The following STK39 variants were observed in gnomAD, a reference collection of about 807,000 sequenced individuals.
The protein encoded by STK39 is serine/threonine kinase 39, also known as STE20/SPS1-related proline-alanine-rich protein kinase.
In STK39, 20 loss-of-function variants were observed where a neutral mutation model predicts 77.8. That is an observed-to-expected ratio of 0.26 (90% confidence interval 0.18 to 0.37). The LOEUF is 0.37. Ranked by LOEUF, STK39 falls within the 10% of genes least tolerant of loss-of-function variation. The pLI is 1.00. For synonymous variants in STK39, 246 were observed against 234.1 expected, an observed-to-expected ratio of 1.05 and a Z score of -0.47; for missense variants, 479 against 656.5, an observed-to-expected ratio of 0.73 and a Z score of 2.95.
chr2:168,233,714 C>T (rs1341497968), intron 1 of STK39, among the ~76,000 whole-genome samples: 2 of 152,210 alleles, frequency 1.3e-5, no homozygotes, highest in Non-Finnish European at 2.9e-5. Flanking sequence ...GGGTTAATTT[C>T]AGAACTTCTT....
intron 10 of STK39, among the ~76,000 whole-genome samples, chr2:168,078,949 C>A (rs1426728188): frequency 6.6e-6 from 1 of 152,158 alleles, no homozygotes; most frequent in South Asian, 2.1e-4. Flanking sequence ...ACCAGCCTCA[C>A]GTCCACCTAT....
intron 7 of STK39, among the ~76,000 whole-genome samples, chr2:168,139,388 C>T (rs1470475554): frequency 1.6e-5 from 2 of 126,488 alleles, no homozygotes; most frequent in African/African-American, 7.1e-5. Flanking sequence ...CACTAAAATC[C>T]TAACTATGTT....
intron 10 of STK39, among the ~76,000 whole-genome samples, chr2:168,079,244 G>C (rs1169928975): frequency 2.6e-5 from 4 of 152,008 alleles, no homozygotes; most frequent in Non-Finnish European, 5.9e-5. Flanking sequence ...CCTACTGCCT[G>C]GCTCCACTGT....
chr2:168,145,281 A>G (rs1688106512), intron 5 of STK39, among the ~76,000 whole-genome samples: 1 of 152,192 alleles, frequency 6.6e-6, no homozygotes, highest in African/African-American at 2.4e-5. Context: ...CAGGAATACA[A>G]TGGAGAAAAG....
In STK39 at chr2:167,964,741, C is replaced by T. The variant is rs375179832; in HGVS notation, c.1499-15G>A. On this transcript the variant is annotated splice_polypyrimidine_tract_variant and intron_variant, in intron 16 of 17. Coordinates refer to ENST00000355999, the MANE Select transcript of STK39 (RefSeq NM_013233.3). ...ATTAGCAGCCACTGTAAAATATAAA[C>T]GTAGAGAGAAAGTTTCCAGATTATT... The T allele has an allele frequency of 1.6e-5, 26 of 1,599,238 alleles. No individual in the cohort carries two copies. The highest frequency in any genetic ancestry group is 2.0e-5 in the Non-Finnish European group (23 of 1,172,234).
chr2:168,127,728 T>C (rs1452964072), intron 10 of STK39, among the ~76,000 whole-genome samples: 1 of 152,212 alleles, frequency 6.6e-6, no homozygotes, highest in African/African-American at 2.4e-5. Flanking sequence ...GGAAACCACT[T>C]TTGAGCAACT....
chr2:167,969,000 C>T (rs1309315674), intron 16 of STK39, among the ~76,000 whole-genome samples: 1 of 152,126 alleles, frequency 6.6e-6, no homozygotes, highest in Non-Finnish European at 1.5e-5. Flanking sequence ...TGCCGGGGTT[C>T]AAATCCTCCT....
chr2:168,167,320 C>G lies in STK39; in HGVS notation c.409G>C (p.Val137Leu). The part of the protein sequence containing the change: ...SFVVKDELWL[V>L]MKLLSGGSML... The stretch of plus-strand genomic sequence containing the variant: ...TTACCTCCACTTAGTAATTTCATGA[C>G]CAGCCAAAGTTCATCTTTGACCACA... Residue 137 changes from valine (V) to leucine (L), a missense_variant, in exon 3 of 18, where the codon GTC becomes CTC. By Grantham distance (32) the Val-to-Leu change is conservative. This residue lies in a region of STK39 where 139 missense variants were observed against 280.6 expected (regional missense o/e 0.50). Coordinates refer to ENST00000355999, the MANE Select transcript of STK39 (RefSeq NM_013233.3). 2 of 1,613,610 alleles carry G rather than the reference C, an allele frequency of 1.2e-6. No homozygotes were observed. Among genetic ancestry groups the G allele is most frequent in the South Asian group, 1.1e-5 (1 of 91,042 alleles).
chr2:168,151,465 G>A (rs964179339), intron 5 of STK39, among the ~76,000 whole-genome samples: 6 of 152,064 alleles, frequency 3.9e-5, no homozygotes, highest in Non-Finnish European at 7.4e-5. Flanking sequence ...GGCCAGGGAC[G>A]GTGGCTCACT....
chr2:167,999,199 C>T (rs1574379512), intron 16 of STK39, among the ~76,000 whole-genome samples: 1 of 152,226 alleles, frequency 6.6e-6, no homozygotes, highest in Non-Finnish European at 1.5e-5. Flanking sequence ...TACGACTTCA[C>T]TCAAATGTCT....
At chr2:168,167,439 A>G (rs1423395117) in intron 2 of STK39, 32 bp from the exon 3 acceptor site, 1 of 1,594,470 alleles carries the variant, frequency 6.3e-7, no homozygotes, top group Admixed American at 1.7e-5. Context: ...ACATAGTACC[A>G]TGGGGTGAAA....
At chr2:168,011,727 A>C (rs1280152716) in intron 16 of STK39, among the ~76,000 whole-genome samples, 4 of 152,174 alleles carry the variant, frequency 2.6e-5, no homozygotes, top group African/African-American at 4.8e-5. Flanking sequence ...ATCTCCGTGC[A>C]GCTATCTTAT....
chr2:168,023,373 G>A lies in STK39; in HGVS notation c.1377-6278C>T, dbSNP rs139150927. On this transcript the variant is annotated intron_variant, in intron 14 of 17. Transcript: ENST00000355999. ...TCAGTTCATCTTCAAGTGACACAAC[G>A]AACAATCAAACGAGGCAGCTGGCTA... Among the ~76,000 whole-genome samples the A allele has an allele frequency of 1.4e-4, 21 of 151,604 alleles. No homozygotes were observed. The East Asian group carries it at 1.7e-3, about 13-fold the overall frequency.
At chr2:168,003,805 A>G (rs1338767039) in intron 16 of STK39, among the ~76,000 whole-genome samples, 3 of 152,194 alleles carry the variant, frequency 2.0e-5, no homozygotes, top group Non-Finnish European at 4.4e-5. Context: ...CCCTGTCACC[A>G]TTTCAAAATC....
At chr2:168,162,314 G>T (rs1044150056) in intron 4 of STK39, among the ~76,000 whole-genome samples, 6 of 141,806 alleles carry the variant, frequency 4.2e-5, no homozygotes, top group African/African-American at 1.3e-4. Context: ...AAAAAAAAAG[G>T]TATAAGGATC....
At chr2:167,967,703 G>A (rs573299368) in intron 16 of STK39, among the ~76,000 whole-genome samples, 2 of 152,272 alleles carry the variant, frequency 1.3e-5, no homozygotes, top group South Asian at 2.1e-4. Context: ...CAGCGGAGCC[G>A]ACACTTTTTT....
chr2:168,178,773 G>A (rs1295192085), intron 2 of STK39, among the ~76,000 whole-genome samples: 1 of 152,162 alleles, frequency 6.6e-6, no homozygotes, highest in Non-Finnish European at 1.5e-5. Flanking sequence ...ATGACTGCTT[G>A]ACTCCTTCTT....
intron 10 of STK39, among the ~76,000 whole-genome samples, chr2:168,081,612 T>C (rs1262624726): frequency 1.3e-5 from 2 of 152,140 alleles, no homozygotes; most frequent in Non-Finnish European, 1.5e-5. Flanking sequence ...TCAGAAGGCA[T>C]GATTGATTCT....
intron 10 of STK39, among the ~76,000 whole-genome samples, chr2:168,095,964 T>A (rs1184294221): frequency 6.6e-6 from 1 of 152,190 alleles, no homozygotes; most frequent in Non-Finnish European, 1.5e-5. Flanking sequence ...TAGGTGTTAT[T>A]TTCCCAAGAA....
Sources: allele counts gnomAD v4.1 joint callset (sites outside exome capture counted in the v4.1 genomes callset), GRCh38; gene constraint gnomAD v4.1.1; regional missense constraint gnomAD v4.1.1; transcripts MANE v1.5; gene names NCBI Gene and HGNC (gene_info 2026-07-23, HGNC 2026-07-21).